LRP1B: variants seen among roughly 807,000 people sequenced by gnomAD.
The protein encoded by LRP1B is LDL receptor related protein 1B, also known as low-density lipoprotein receptor-related protein 1B.
A neutral mutation model predicts 556.6 loss-of-function variants in LRP1B; 217 were observed. The ratio of observed to expected loss-of-function variants is 0.39; its 90% CI spans 0.35 to 0.44. The LOEUF is 0.44. LRP1B is among the 20% of genes least tolerant of loss of function. The probability of loss-of-function intolerance (pLI) is 1.00; values close to 1 mark genes in which losing one functional copy is unlikely to be tolerated. For missense variants in LRP1B, 5,053 were observed against 5,620.8 expected, an observed-to-expected ratio of 0.90 and a Z score of 3.23; for synonymous variants, 2,047 against 1,865.8, an observed-to-expected ratio of 1.10 and a Z score of -2.50.
At chr2:141,421,172 A>G (rs1680123411) in intron 3 of LRP1B, among the ~76,000 whole-genome samples, 1 of 152,190 alleles carries the variant, frequency 6.6e-6, no homozygotes, top group Non-Finnish European at 1.5e-5. Flanking sequence ...CTATTTTGCC[A>G]TCTTGCTGAT....
intron 1 of LRP1B, among the ~76,000 whole-genome samples, chr2:142,025,926 A>T (rs566705809): frequency 6.6e-6 from 1 of 152,228 alleles, no homozygotes; most frequent in South Asian, 2.1e-4. Flanking sequence ...ACTACCCAGC[A>T]TCTTCCATAA....
At chr2:141,861,201 T>C (rs1200548824) in intron 1 of LRP1B, among the ~76,000 whole-genome samples, 1 of 152,198 alleles carries the variant, frequency 6.6e-6, no homozygotes, top group African/African-American at 2.4e-5. Context: ...AGTTCATCCA[T>C]GGCCACAACT....
At chr2:140,760,005 A>G (rs1463220243) in intron 35 of LRP1B, among the ~76,000 whole-genome samples, 1 of 143,208 alleles carries the variant, frequency 7.0e-6, no homozygotes, top group Non-Finnish European at 1.5e-5. Context: ...CCTTTTCCAG[A>G]CACTAGATAA....
chr2:140,562,907 T>A (rs1338494895), intron 43 of LRP1B, among the ~76,000 whole-genome samples: 2 of 152,098 alleles, frequency 1.3e-5, no homozygotes, highest in African/African-American at 4.8e-5. Flanking sequence ...TGAGCCACCA[T>A]GCCCCAGCTG....
chr2:140,342,164 C>A (rs942999163), intron 77 of LRP1B, among the ~76,000 whole-genome samples: 2 of 150,894 alleles, frequency 1.3e-5, no homozygotes, highest in East Asian at 2.0e-4. Context: ...TTTCAACTTT[C>A]ATAGTACATA....
intron 29 of LRP1B, among the ~76,000 whole-genome samples, chr2:140,848,609 G>A (rs2105113455): frequency 6.6e-6 from 1 of 152,218 alleles, no homozygotes; most frequent in South Asian, 2.1e-4. Flanking sequence ...ATTTTCAATA[G>A]ACTTGAAAGC....
intron 18 of LRP1B, among the ~76,000 whole-genome samples, chr2:140,979,270 C>A (rs1379894012): frequency 1.3e-5 from 2 of 152,188 alleles, no homozygotes; most frequent in African/African-American, 4.8e-5. Flanking sequence ...TGAACCACCA[C>A]ACCTGGTCGT....
At chr2:140,382,421 A>G (rs1683554286) in intron 67 of LRP1B, among the ~76,000 whole-genome samples, 1 of 152,160 alleles carries the variant, frequency 6.6e-6, no homozygotes, top group African/African-American at 2.4e-5. Flanking sequence ...TTTTTTGTTG[A>G]TAAAGATATT....
intron 3 of LRP1B, among the ~76,000 whole-genome samples, chr2:141,324,888 A>G (rs112704814): frequency 0.021 from 3,195 of 152,206 alleles, 57 homozygotes; most frequent in Non-Finnish European, 0.034. Flanking sequence ...TAGCACAGTA[A>G]GTTCTCTTTT....
At chr2:141,857,292 A>T (rs550189733) in intron 1 of LRP1B, among the ~76,000 whole-genome samples, 1 of 152,010 alleles carries the variant, frequency 6.6e-6, no homozygotes, top group Non-Finnish European at 1.5e-5. Context: ...AGAAGGTTGC[A>T]GTTGATTCCT....
chr2:140,689,478 G>A (rs977249590), intron 41 of LRP1B, among the ~76,000 whole-genome samples: 3 of 152,096 alleles, frequency 2.0e-5, no homozygotes, highest in African/African-American at 7.2e-5. Flanking sequence ...TTTGTGAATC[G>A]TTCATTGCTC....
At chr2:141,548,556 A>T (rs909390297) in intron 2 of LRP1B, among the ~76,000 whole-genome samples, 36 of 152,322 alleles carry the variant, frequency 2.4e-4, no homozygotes, top group African/African-American at 8.4e-4. Context: ...TGTTCTGCTG[A>T]GATAACAAAA....
chr2:140,383,293 C>CATGTGTGTGTGTGT (rs1553457406), intron 67 of LRP1B, among the ~76,000 whole-genome samples: 27 of 145,746 alleles, frequency 1.9e-4, no homozygotes, highest in African/African-American at 5.8e-4. Context: ...CAGTGATGTG[C>CATGTGTGTGTGTGT]GTGTGTGTGT....
At chr2:140,441,074 T>C (rs1686408963) in intron 66 of LRP1B, among the ~76,000 whole-genome samples, 2 of 152,152 alleles carry the variant, frequency 1.3e-5, no homozygotes, top group African/African-American at 2.4e-5. Flanking sequence ...GCTTTTAACA[T>C]ATTTCTCGGG....
intron 1 of LRP1B, among the ~76,000 whole-genome samples, chr2:141,904,739 G>C (rs1438639317): frequency 6.6e-6 from 1 of 151,930 alleles, no homozygotes; most frequent in Non-Finnish European, 1.5e-5. Flanking sequence ...AAATATTTTG[G>C]TCAAGGCAAC....
intron 82 of LRP1B, among the ~76,000 whole-genome samples, chr2:140,320,263 A>G (rs1417699776): frequency 6.6e-6 from 1 of 151,318 alleles, no homozygotes; most frequent in Non-Finnish European, 1.5e-5. Flanking sequence ...TGCTTATCTT[A>G]TTCATCAATT....
intron 2 of LRP1B, among the ~76,000 whole-genome samples, chr2:141,630,418 G>A (rs530035661): frequency 1.6e-3 from 243 of 152,278 alleles, no homozygotes; most frequent in Admixed American, 4.0e-3. Context: ...TAACTGTCAC[G>A]TTCAGAACTT....
chr2:141,215,240 T>C (rs907885613), intron 6 of LRP1B, among the ~76,000 whole-genome samples: 2 of 152,174 alleles, frequency 1.3e-5, no homozygotes, highest in African/African-American at 4.8e-5. Flanking sequence ...ACAGCCATGA[T>C]TGCAACCTTC....
intron 43 of LRP1B, among the ~76,000 whole-genome samples, chr2:140,570,874 C>T (rs1045934569): frequency 1.3e-5 from 2 of 151,640 alleles, no homozygotes; most frequent in African/African-American, 4.8e-5. Flanking sequence ...GTATGCAAAT[C>T]AATAAATGTG....
Sources: gnomAD v4.1 joint callset for allele counts (sites outside exome capture counted in the v4.1 genomes callset) on GRCh38, gnomAD v4.1.1 for gene constraint, MANE v1.5 for transcripts, NCBI Gene and HGNC (gene_info 2026-07-23, HGNC 2026-07-21) for gene names.